BFSP2: variants seen among roughly 807,000 people sequenced by gnomAD.
BFSP2 encodes phakinin.
Under a neutral mutation model 44.9 loss-of-function variants are expected in BFSP2, and 38 were observed. The ratio of observed to expected loss-of-function variants is 0.85; its 90% CI spans 0.65 to 1.11. BFSP2 has a LOEUF of 1.11. Among genes scored for constraint, BFSP2 ranks in the 50% least tolerant of loss-of-function variants. The probability of loss-of-function intolerance (pLI) is 0.00; values close to 1 mark genes in which losing one functional copy is unlikely to be tolerated. For synonymous variants in BFSP2, 197 were observed against 209.9 expected (o/e 0.94, Z 0.53); for missense variants, 525 against 533.0 (o/e 0.99, Z 0.15).
At position 133,447,394 on chromosome 3, in the gene BFSP2, A is replaced by G. The variant is rs886058010; in HGVS notation, c.567A>G (p.Lys189=). Residue 189 remains lysine (K), a synonymous_variant, in exon 2 of 7, where the codon AAA becomes AAG. Coordinates refer to ENST00000302334, the MANE Select transcript of BFSP2 (RefSeq NM_003571.4). ...ETIQAGADDF[K]ERYENEQPFR... ...TCCAGGCCGGAGCAGATGACTTTAAAGAGAGGTAATGTCTTACAGCAGAGG... is the reference window on the plus strand; with the variant it reads ...TCCAGGCCGGAGCAGATGACTTTAAGGAGAGGTAATGTCTTACAGCAGAGG... 9 of 1,613,962 alleles carry G rather than the reference A, an allele frequency of 5.6e-6. No individual in the cohort carries two copies. The East Asian group carries it at 6.7e-5, about 12-fold the overall frequency.
At chr3:133,428,285 G>T (rs1229228429) in intron 1 of BFSP2, among the ~76,000 whole-genome samples, 2 of 151,830 alleles carry the variant, frequency 1.3e-5, no homozygotes, top group Non-Finnish European at 2.9e-5. Context: ...AGGACACAGA[G>T]GGAAGACCAA....
intron 1 of BFSP2, among the ~76,000 whole-genome samples, chr3:133,420,702 G>A (rs1247290476): frequency 2.0e-5 from 3 of 152,150 alleles, no homozygotes; most frequent in Admixed American, 6.5e-5. Context: ...AGGTGCAAGC[G>A]ACCTCTCTTC....
At chr3:133,454,137 T>A (rs1356715354) in intron 4 of BFSP2, among the ~76,000 whole-genome samples, 1 of 152,180 alleles carries the variant, frequency 6.6e-6, no homozygotes, top group Non-Finnish European at 1.5e-5. Context: ...CTAGACCTCC[T>A]AGTTAGTCAA....
At chr3:133,405,451 T>C (rs958204608) in intron 1 of BFSP2, among the ~76,000 whole-genome samples, 4 of 152,128 alleles carry the variant, frequency 2.6e-5, no homozygotes, top group African/African-American at 9.7e-5. Flanking sequence ...TTGAAGAACA[T>C]GCTGGAAACT....
chr3:133,425,853 G>A (rs66645956), intron 1 of BFSP2, among the ~76,000 whole-genome samples: 8 of 114,562 alleles, frequency 7.0e-5, no homozygotes, highest in African/African-American at 2.5e-4. Flanking sequence ...AGAAGGGAAA[G>A]GAAGGGAAGG....
At chr3:133,432,141 G>A (rs575805060) in intron 1 of BFSP2, among the ~76,000 whole-genome samples, 1 of 152,252 alleles carries the variant, frequency 6.6e-6, no homozygotes, top group Admixed American at 6.5e-5. Context: ...AGGGATTAAA[G>A]CCTGTTATCA....
rs961862554 is a variant in BFSP2 at position 133,431,577 on chromosome 3, T to C, written c.490-15740T>C. On this transcript the variant is annotated intron_variant, in intron 1 of 6. Transcript: ENST00000302334. ...CGAGGCTCTCTGACTGACTCCTTCTTGGCTTAGCGGCTGAAGACTGATGCT... is the reference window on the plus strand; with the variant it reads ...CGAGGCTCTCTGACTGACTCCTTCTCGGCTTAGCGGCTGAAGACTGATGCT... Among the ~76,000 whole-genome samples the C allele has an allele frequency of 5.7e-4, 87 of 152,150 alleles. 1 individual carries two copies. The highest frequency in any genetic ancestry group is 2.9e-3 in the Admixed American group (45 of 15,268).
intron 1 of BFSP2, among the ~76,000 whole-genome samples, chr3:133,416,473 TCAC>T (rs2073531126): frequency 7.2e-6 from 1 of 138,384 alleles, no homozygotes; most frequent in African/African-American, 2.7e-5. Flanking sequence ...TCCCATCTAC[TCAC>T]CACTCTACTC....
chr3:133,473,096 G>A (rs2074181699), intron 6 of BFSP2, among the ~76,000 whole-genome samples: 2 of 152,004 alleles, frequency 1.3e-5, no homozygotes, highest in South Asian at 4.2e-4. Flanking sequence ...CCCCAGCTGG[G>A]CATCTTTTTT....
chr3:133,425,097 C>T (rs1273387905), intron 1 of BFSP2, among the ~76,000 whole-genome samples: 2 of 152,168 alleles, frequency 1.3e-5, no homozygotes, highest in Admixed American at 1.3e-4. Flanking sequence ...CTGCCTTCTT[C>T]CTCACCAGCA....
In BFSP2 at chr3:133,450,180, C is replaced by A; in HGVS notation, c.730-123C>A. On this transcript the variant is annotated intron_variant, in intron 3 of 6. Coordinates refer to ENST00000302334, the MANE Select transcript of BFSP2 (RefSeq NM_003571.4). ...AGGGACTTTCCCAGTCTCTGTGAAG[C>A]CTGTGTCTGGCAGTTGTGGAATGAG... 14 of 1,096,730 alleles carry A rather than the reference C, an allele frequency of 1.3e-5. 1 individual carries two copies. In the South Asian group the frequency reaches 1.7e-4, roughly 14 times the overall value. 67.9% of individuals were successfully genotyped at this position (1,096,730 alleles called of 1,614,324 possible). A position where few individuals can be genotyped will look rare whatever the true frequency, so the allele number is the denominator to read the frequency against.
intron 1 of BFSP2, among the ~76,000 whole-genome samples, chr3:133,424,256 G>A (rs1234373476): frequency 1.9e-5 from 1 of 53,862 alleles, no homozygotes; most frequent in Non-Finnish European, 5.2e-5. Flanking sequence ...TTTTAGTAGA[G>A]ATGGAGTTTC....
rs567208737 is a variant in BFSP2 at position 133,432,619 on chromosome 3, C to T, written c.490-14698C>T. Among the ~76,000 whole-genome samples the T allele has an allele frequency of 1.8e-4, 27 of 152,316 alleles. 1 individual carries two copies. The highest frequency in any genetic ancestry group is 6.5e-4 in the African/African-American group (27 of 41,564). ...TAGCCCCTCCTTTGAATCTTCTCAA[C>T]AAGACACACCTCTGCTCCTTCAGCA... On this transcript the variant is annotated intron_variant, in intron 1 of 6. Transcript: ENST00000302334.
intron 1 of BFSP2, among the ~76,000 whole-genome samples, chr3:133,432,228 G>A (rs572334815): frequency 7.8e-4 from 118 of 152,248 alleles, no homozygotes; most frequent in African/African-American, 2.6e-3. Flanking sequence ...TCCAAAAACC[G>A]CACAAGTCTT....
intron 1 of BFSP2, among the ~76,000 whole-genome samples, chr3:133,414,095 ACTCCCCCCATCCT>A (rs2073482357): frequency 3.9e-5 from 1 of 25,532 alleles, no homozygotes; most frequent in Non-Finnish European, 7.6e-5. Context: ...AAACCCCTCT[ACTCCCCCCATCCT>A]CTCCCCTCTA....
chr3:133,445,589 TA>T (rs2073889648), intron 1 of BFSP2: 1 of 152,232 alleles, frequency 6.6e-6, no homozygotes, highest in Non-Finnish European at 1.5e-5. Flanking sequence ...TAGATCAAAA[TA>T]TTTTTTAAAA....
Position 133,431,838 on chromosome 3 carries a change from A to T in BFSP2, c.490-15479A>T, listed in dbSNP as rs1042198454. Among the ~76,000 whole-genome samples, 6 of 152,166 alleles carry T rather than the reference A, an allele frequency of 3.9e-5. No individual in the cohort carries two copies. In the East Asian group the frequency reaches 5.8e-4, roughly 15 times the overall value. Reference sequence around the variant, plus strand: ...TGCCAACTTAGACAATACCCTTTTAAGCACTCCTTTTTAGTTATCCCCACC... The same window carrying T: ...TGCCAACTTAGACAATACCCTTTTATGCACTCCTTTTTAGTTATCCCCACC... On this transcript the variant is annotated intron_variant, in intron 1 of 6. Coordinates refer to ENST00000302334, the MANE Select transcript of BFSP2 (RefSeq NM_003571.4).
chr3:133,437,407 C>T (rs1244479259), intron 1 of BFSP2, among the ~76,000 whole-genome samples: 2 of 151,996 alleles, frequency 1.3e-5, no homozygotes, highest in Non-Finnish European at 2.9e-5. Flanking sequence ...CCTGTAATCC[C>T]AGCTACCCAG....
At chr3:133,459,582 G>A (rs371685282) in intron 4 of BFSP2, among the ~76,000 whole-genome samples, 28 of 152,276 alleles carry the variant, frequency 1.8e-4, no homozygotes, top group African/African-American at 6.5e-4. Context: ...AGAGAAACTT[G>A]TAGCCCAGCC....
Sources: allele counts gnomAD v4.1 joint callset (sites outside exome capture counted in the v4.1 genomes callset), GRCh38; gene constraint gnomAD v4.1.1; transcripts MANE v1.5; gene names NCBI Gene and HGNC (gene_info 2026-07-23, HGNC 2026-07-21).